CTNNA3: variants seen among roughly 807,000 people sequenced by gnomAD.
The protein encoded by CTNNA3 is catenin alpha-3.
A neutral mutation model predicts 95.7 loss-of-function variants in CTNNA3; 76 were observed. That is an observed-to-expected ratio of 0.79 (90% CI 0.66 to 0.96). The LOEUF (loss-of-function observed/expected upper bound fraction) is 0.96. Among genes scored for constraint, CTNNA3 ranks in the 40% least tolerant of loss-of-function variants. The pLI is 0.00. For missense variants in CTNNA3, 1,191 were observed against 1,089.8 expected (o/e 1.09, Z -1.31); for synonymous variants, 431 against 374.4 (o/e 1.15, Z -1.74).
intron 3 of CTNNA3, among the ~76,000 whole-genome samples, chr10:67,549,019 A>G (rs978212077): frequency 1.3e-5 from 2 of 152,190 alleles, no homozygotes; most frequent in Non-Finnish European, 2.9e-5. Flanking sequence ...TCTATCATAA[A>G]TATAATCTAA....
At chr10:66,025,082 T>C (rs2079308332) in intron 15 of CTNNA3, among the ~76,000 whole-genome samples, 2 of 152,252 alleles carry the variant, frequency 1.3e-5, no homozygotes, top group Non-Finnish European at 2.9e-5. Flanking sequence ...TATTGGCTTC[T>C]GCAAGAATGC....
At chr10:67,312,437 A>C (rs1840852674) in intron 5 of CTNNA3, among the ~76,000 whole-genome samples, 1 of 152,226 alleles carries the variant, frequency 6.6e-6, no homozygotes, top group Non-Finnish European at 1.5e-5. Context: ...TCCCATTCAG[A>C]AACAAGGAAC....
At chr10:66,485,648 A>G (rs1435101497) in intron 11 of CTNNA3, among the ~76,000 whole-genome samples, 1 of 152,172 alleles carries the variant, frequency 6.6e-6, no homozygotes, top group Non-Finnish European at 1.5e-5. Flanking sequence ...AATTAATATT[A>G]TTAAAATATC....
intron 1 of CTNNA3, among the ~76,000 whole-genome samples, chr10:67,735,242 T>C (rs1368466517): frequency 1.3e-5 from 2 of 151,814 alleles, no homozygotes; most frequent in African/African-American, 2.4e-5. Context: ...CACATTAACA[T>C]ATATCAAGTC....
At chr10:67,609,046 C>T (rs183233502) in intron 2 of CTNNA3, among the ~76,000 whole-genome samples, 3,234 of 145,362 alleles carry the variant, frequency 0.022, 47 homozygotes, top group Non-Finnish European at 0.034. Flanking sequence ...GCCGAAATCA[C>T]GCCATTGCAC....
chr10:67,682,022 G>A (rs981545276), intron 1 of CTNNA3, among the ~76,000 whole-genome samples: 16 of 152,184 alleles, frequency 1.1e-4, no homozygotes, highest in Non-Finnish European at 1.5e-5. Context: ...GCCAGGCGTG[G>A]TGGTGGGCAC....
At chr10:66,978,628 C>A (rs977495899) in intron 7 of CTNNA3, among the ~76,000 whole-genome samples, 4 of 142,226 alleles carry the variant, frequency 2.8e-5, no homozygotes, top group Non-Finnish European at 6.0e-5. Flanking sequence ...GTTCTTACCA[C>A]AGTTTTTAAA....
chr10:67,026,814 CAT>C (rs1039203512), intron 7 of CTNNA3, among the ~76,000 whole-genome samples: 18 of 152,292 alleles, frequency 1.2e-4, no homozygotes, highest in African/African-American at 4.1e-4. Context: ...AAACTCTTCT[CAT>C]GTGTTAATTA....
At chr10:66,912,139 A>C (rs1741186973) in intron 7 of CTNNA3, among the ~76,000 whole-genome samples, 1 of 152,194 alleles carries the variant, frequency 6.6e-6, no homozygotes. Flanking sequence ...TGGATTATAC[A>C]TAAGTGGTTG....
intron 2 of CTNNA3, among the ~76,000 whole-genome samples, chr10:67,627,218 A>T (rs891866194): frequency 1.3e-5 from 2 of 152,106 alleles, no homozygotes; most frequent in Non-Finnish European, 2.9e-5. Flanking sequence ...TCATGCTGAG[A>T]GGGGTCAGAT....
chr10:66,370,921 C>T (rs1298108122), intron 12 of CTNNA3, among the ~76,000 whole-genome samples: 1 of 152,052 alleles, frequency 6.6e-6, no homozygotes, highest in Non-Finnish European at 1.5e-5. Flanking sequence ...CTGGGTCTCA[C>T]TATGTTGCCT....
intron 13 of CTNNA3, among the ~76,000 whole-genome samples, chr10:66,121,680 C>G (rs1358077708): frequency 6.6e-6 from 1 of 152,046 alleles, no homozygotes. Context: ...TGAAACCCCT[C>G]TCTACAAAAA....
At chr10:66,381,656 G>A (rs1589165628) in intron 11 of CTNNA3, among the ~76,000 whole-genome samples, 1 of 152,002 alleles carries the variant, frequency 6.6e-6, no homozygotes, top group South Asian at 2.1e-4. Flanking sequence ...TCTGAAATTA[G>A]ATAAATTTAA....
rs2087652867 is a variant in CTNNA3, at chr10:66,204,730, C to T, written c.1884+75740G>A. Among the ~76,000 whole-genome samples the T allele has an allele frequency of 2.6e-5, 4 of 152,258 alleles. No homozygotes were observed. The South Asian group carries it at 8.3e-4, about 32-fold the overall frequency. On this transcript the variant is annotated intron_variant, in intron 13 of 17. Transcript: ENST00000433211. ...TTATGGAATGTAGAATGGAATTTAT[C>T]AGTTTAAATGTCTGTCTCCTCTTAC...
At chr10:67,368,645 T>A (rs1843302290) in intron 5 of CTNNA3, among the ~76,000 whole-genome samples, 1 of 152,168 alleles carries the variant, frequency 6.6e-6, no homozygotes, top group African/African-American at 2.4e-5. Context: ...AATAAACGAA[T>A]AATGGTATCC....
rs114511651 is a variant in CTNNA3, at chr10:67,629,882, G to A, written c.99+17533C>T. Among the ~76,000 whole-genome samples the A allele has an allele frequency of 7.6e-3, 1,155 of 152,216 alleles. 14 individuals carry two copies. The highest frequency in any genetic ancestry group is 0.027 in the African/African-American group (1,117 of 41,524). ...TCACTATGACTCAACTCTTCCCCTT[G>A]TTTCTACTTTCTGTGTATCTTTCAG... On this transcript the variant is annotated intron_variant, in intron 2 of 17. Coordinates refer to ENST00000433211, the MANE Select transcript of CTNNA3 (RefSeq NM_013266.4).
At chr10:67,738,167 C>G (rs1015249284) in intron 1 of CTNNA3, among the ~76,000 whole-genome samples, 1 of 152,138 alleles carries the variant, frequency 6.6e-6, no homozygotes, top group Admixed American at 6.5e-5. Context: ...AACACAACAC[C>G]AGGAGGGGCC....
At chr10:67,014,454 C>T (rs1280167637) in intron 7 of CTNNA3, among the ~76,000 whole-genome samples, 2 of 152,056 alleles carry the variant, frequency 1.3e-5, no homozygotes, top group Admixed American at 6.6e-5. Flanking sequence ...CAGGTGGTGC[C>T]TGTTTGTAAC....
intron 7 of CTNNA3, among the ~76,000 whole-genome samples, chr10:67,081,267 G>T (rs1260689660): frequency 6.6e-6 from 1 of 152,144 alleles, no homozygotes; most frequent in African/African-American, 2.4e-5. Flanking sequence ...CTCATTTCAG[G>T]TATATACTGA....
Sources: allele counts gnomAD v4.1 joint callset (sites outside exome capture counted in the v4.1 genomes callset), GRCh38; gene constraint gnomAD v4.1.1; transcripts MANE v1.5; gene names NCBI Gene and HGNC (gene_info 2026-07-23, HGNC 2026-07-21).